ZC3H12B: variants seen among roughly 807,000 people sequenced by gnomAD.
The protein encoded by ZC3H12B is probable ribonuclease ZC3H12B.
Under a neutral mutation model 43.9 loss-of-function variants are expected in ZC3H12B, and 7 were observed. The ratio of observed to expected loss-of-function variants is 0.16; its 90% CI spans 0.09 to 0.30. The LOEUF is 0.30. ZC3H12B is among the 10% of genes least tolerant of loss of function. The pLI, the probability that ZC3H12B is intolerant of heterozygous loss-of-function variation, is 1.00. For synonymous variants in ZC3H12B, 222 were observed against 241.7 expected, an observed-to-expected ratio of 0.92 and a Z score of 0.76; for missense variants, 475 against 670.2, an observed-to-expected ratio of 0.71 and a Z score of 3.22.
chrX:65,312,003 G>T, the ZC3H12B span, among the ~76,000 whole-genome samples: 1 of 111,202 alleles, frequency 9.0e-6, no homozygotes, highest in Non-Finnish European at 1.9e-5. Flanking sequence ...TGGGAGTAGG[G>T]GGCAGGGGGA....
chrX:65,057,278 G>A, the ZC3H12B span, among the ~76,000 whole-genome samples: 71 of 111,530 alleles, frequency 6.4e-4, no homozygotes, highest in African/African-American at 2.2e-3. Flanking sequence ...GGGCAGGCCT[G>A]GTGGTGACAA....
chrX:65,069,777 C>T, the ZC3H12B span, among the ~76,000 whole-genome samples: 6 of 112,210 alleles, frequency 5.3e-5, no homozygotes, highest in East Asian at 2.8e-4. Context: ...GTTGAACCAA[C>T]CCTGCATCCC....
intron 2 of ZC3H12B, among the ~76,000 whole-genome samples, chrX:65,373,154 A>G (rs760486545): frequency 8.9e-6 from 1 of 112,520 alleles, no homozygotes; most frequent in East Asian, 2.8e-4. Flanking sequence ...ATTGAAAGAG[A>G]TAGCATATGT....
chrX:65,312,065 G>A, the ZC3H12B span, among the ~76,000 whole-genome samples: 1 of 111,354 alleles, frequency 9.0e-6, no homozygotes, highest in African/African-American at 3.3e-5. Context: ...AATAGGTGCA[G>A]CAAACCAACA....
the ZC3H12B span, among the ~76,000 whole-genome samples, chrX:65,245,145 G>T: frequency 6.3e-5 from 7 of 111,739 alleles, no homozygotes; most frequent in Non-Finnish European, 1.1e-4. Flanking sequence ...CAATCTAGAA[G>T]AAATGGATAA....
At chrX:65,253,330 C>T in the ZC3H12B span, among the ~76,000 whole-genome samples, 4 of 112,180 alleles carry the variant, frequency 3.6e-5, no homozygotes, top group East Asian at 2.8e-4. Flanking sequence ...GTTGAGCAGA[C>T]GGGGAGCAAC....
At chrX:65,084,496 A>T in the ZC3H12B span, among the ~76,000 whole-genome samples, 1 of 112,711 alleles carries the variant, frequency 8.9e-6, no homozygotes. Flanking sequence ...GCAAAGAGGC[A>T]TATGATAAGT....
the ZC3H12B span, among the ~76,000 whole-genome samples, chrX:65,183,868 T>G: frequency 1.8e-5 from 2 of 111,246 alleles, no homozygotes; most frequent in Admixed American, 9.7e-5. Context: ...TAGGAAATAA[T>G]TTGGGGAAGT....
the ZC3H12B span, among the ~76,000 whole-genome samples, chrX:65,048,450 A>AT: frequency 9.0e-6 from 1 of 111,545 alleles, no homozygotes; most frequent in East Asian, 2.8e-4. Context: ...TTACAAGATC[A>AT]TATGGTAGTT....
intron 3 of ZC3H12B, among the ~76,000 whole-genome samples, chrX:65,407,786 C>A (rs2148060882): frequency 8.8e-6 from 1 of 113,492 alleles, no homozygotes; most frequent in Admixed American, 9.2e-5. Flanking sequence ...GAGCACTGCC[C>A]CCGCGCACAG....
At chrX:65,195,027 C>T in the ZC3H12B span, among the ~76,000 whole-genome samples, 1 of 104,823 alleles carries the variant, frequency 9.5e-6, no homozygotes, top group African/African-American at 3.5e-5. Flanking sequence ...ATATCTTTTT[C>T]CTTTATTTTC....
At chrX:65,279,993 A>C in the ZC3H12B span, among the ~76,000 whole-genome samples, 1 of 112,565 alleles carries the variant, frequency 8.9e-6, no homozygotes, top group Non-Finnish European at 1.9e-5. Flanking sequence ...AATTAATGCC[A>C]GTTGTTCTGA....
the ZC3H12B span, among the ~76,000 whole-genome samples, chrX:65,079,866 C>T: frequency 9.0e-6 from 1 of 110,787 alleles, no homozygotes; most frequent in Non-Finnish European, 1.9e-5. Context: ...TGACCTCACC[C>T]AGTGAACTAA....
At chrX:65,273,894 G>A in the ZC3H12B span, among the ~76,000 whole-genome samples, 4 of 112,441 alleles carry the variant, frequency 3.6e-5, no homozygotes, top group Non-Finnish European at 7.5e-5. Flanking sequence ...CTTCAAGATG[G>A]CTGACTAGAG....
At chrX:65,257,732 A>G in the ZC3H12B span, among the ~76,000 whole-genome samples, 400 of 111,203 alleles carry the variant, frequency 3.6e-3, 2 homozygotes, top group African/African-American at 0.012. Context: ...AAACAAAAAA[A>G]CCTCAGAGAC....
chrX:65,117,776 A>T, the ZC3H12B span, among the ~76,000 whole-genome samples: 1 of 112,068 alleles, frequency 8.9e-6, no homozygotes, highest in South Asian at 3.7e-4. Flanking sequence ...AGCTTTCTAC[A>T]TATGGCTATC....
At chrX:65,381,935 C>G (rs1394810609) in intron 2 of ZC3H12B, among the ~76,000 whole-genome samples, 1 of 111,760 alleles carries the variant, frequency 8.9e-6, no homozygotes, top group Non-Finnish European at 1.9e-5. Flanking sequence ...AGACCAATAA[C>G]AGGAGCTGAA....
the ZC3H12B span, among the ~76,000 whole-genome samples, chrX:65,118,983 C>A: frequency 9.0e-6 from 1 of 110,625 alleles, no homozygotes; most frequent in African/African-American, 3.3e-5. Flanking sequence ...ATGAACTCAT[C>A]CTTTTTTAGG....
chrX:65,500,608 A>G (rs2068351715), intron 4 of ZC3H12B, among the ~76,000 whole-genome samples: 1 of 110,850 alleles, frequency 9.0e-6, no homozygotes, highest in Non-Finnish European at 1.9e-5. Context: ...TTGTATTTTT[A>G]GTAGAGACGG....
Sources: gnomAD v4.1 joint callset for allele counts (sites outside exome capture counted in the v4.1 genomes callset) on GRCh38, gnomAD v4.1.1 for gene constraint, MANE v1.5 for transcripts, NCBI Gene and HGNC (gene_info 2026-07-23, HGNC 2026-07-21) for gene names.